The following SGK2 variants were observed in gnomAD, a reference collection of about 807,000 sequenced individuals.
SGK2 encodes serum/glucocorticoid regulated kinase 2, also known as serine/threonine-protein kinase Sgk2.
SGK2 carries 36 observed loss-of-function variants against 47.5 expected under a neutral mutation model. The observed-to-expected ratio is 0.76, with a 90% CI of 0.58 to 1.00. SGK2 has a LOEUF of 1.00. SGK2 is among the 50% of genes least tolerant of loss of function. The pLI, the probability that SGK2 is intolerant of heterozygous loss-of-function variation, is 0.00. For missense variants in SGK2, 404 were observed against 467.4 expected (o/e 0.86, Z 1.25); for synonymous variants, 157 against 181.9 (o/e 0.86, Z 1.10).
At chr20:43,580,883 T>C (rs1980753973) in intron 12 of SGK2, among the ~76,000 whole-genome samples, 2 of 151,810 alleles carry the variant, frequency 1.3e-5, no homozygotes, top group African/African-American at 2.4e-5. Flanking sequence ...TTTTGTTTTG[T>C]TTTTTTTCTT....
At chr20:43,583,330 G>A (rs1434431634) in intron 12 of SGK2, 1 of 1,282,492 alleles carries the variant, frequency 7.8e-7, no homozygotes, top group East Asian at 5.6e-5. Flanking sequence ...AGACACTCCG[G>A]AGCTGGATTC....
At chr20:43,567,245 C>T (rs1979790088) in intron 3 of SGK2, 128 bp downstream of exon 3, 1 of 762,252 alleles carries the variant, frequency 1.3e-6, no homozygotes, top group Non-Finnish European at 2.3e-6. Context: ...GGCCCAGGAC[C>T]TTTCCCCAGC....
At chr20:43,567,750 C>G (rs777620412) in intron 4 of SGK2, 28 bp downstream of exon 4, 1 of 1,612,064 alleles carries the variant, frequency 6.2e-7, no homozygotes, top group Non-Finnish European at 8.5e-7. Flanking sequence ...GGTGGGAAGC[C>G]TGGGTCTTCC....
In SGK2 at chr20:43,570,719, A is replaced by G. The variant is rs886678200; in HGVS notation, c.463A>G (p.Ile155Val). 6.2e-7 allele frequency: 1 copy of G among 1,610,364 alleles called. No homozygotes were observed. The highest frequency in any genetic ancestry group is 1.3e-5 in the African/African-American group (1 of 74,866). ...SAIGYLHSLN[I>V]IYRDLKPENI... ...CATTGGCTACCTGCACTCCCTCAACATCATTTACAGGTGAGGCCTGCCTGT... is the reference window on the plus strand; with the variant it reads ...CATTGGCTACCTGCACTCCCTCAACGTCATTTACAGGTGAGGCCTGCCTGT... The change falls in exon 7 of 13, where the codon ATC (isoleucine) becomes GTC (valine). Residue 155 changes from isoleucine to valine, a missense_variant. Transcript: ENST00000373100.
chr20:43,580,727 C>CAAA (rs764803627), intron 12 of SGK2, among the ~76,000 whole-genome samples: 3 of 68,750 alleles, frequency 4.4e-5, no homozygotes, highest in Admixed American at 1.9e-4. Flanking sequence ...GACTTCATCT[C>CAAA]AAAAAAAAAA....
At chr20:43,575,248 A>G (rs1055609774) in intron 10 of SGK2, among the ~76,000 whole-genome samples, 2 of 152,128 alleles carry the variant, frequency 1.3e-5, no homozygotes, top group African/African-American at 4.8e-5. Flanking sequence ...GGATCACCTG[A>G]GGTCAGGAGT....
intron 5 of SGK2, among the ~76,000 whole-genome samples, chr20:43,568,227 TC>T (rs1979865887): frequency 6.6e-6 from 1 of 152,150 alleles, no homozygotes; most frequent in African/African-American, 2.4e-5. Flanking sequence ...GGCTTTGCCT[TC>T]CCCTGGGAAA....
intron 10 of SGK2, among the ~76,000 whole-genome samples, chr20:43,575,322 G>A (rs182605430): frequency 5.9e-4 from 89 of 151,974 alleles, no homozygotes; most frequent in African/African-American, 1.9e-3. Context: ...AATTAGCTGG[G>A]CGTGGTGGCG....
chr20:43,572,005 C>G lies in SGK2; in HGVS notation c.511-46C>G, dbSNP rs1329813533. The G allele has an allele frequency of 7.0e-7, 1 of 1,421,096 alleles. No individual in the cohort carries two copies. Among genetic ancestry groups the G allele is most frequent in the East Asian group, 2.5e-5 (1 of 39,972 alleles). The allele number at this position is 1,421,096 out of a possible 1,614,324, so 88.0% of individuals were successfully genotyped here. ...CTTTGGGGGTTAGGCCTGGCCATAC[C>G]CTTGGCTCATACCACCCTCCAGCCC... On this transcript the variant is annotated intron_variant, in intron 8 of 12. Transcript: ENST00000373100. The surrounding 1 kb of genome is among the most constrained non-coding windows in gnomAD (Gnocchi z 4.2).
rs1980464828 is a variant in SGK2 at position 43,576,377 on chromosome 20, T to G, written c.847T>G (p.Phe283Val). Residue 283 changes from phenylalanine to valine, a missense_variant and splice_region_variant, in exon 11 of 13, where the codon TTT becomes GTT. Physicochemically the swap from Phe to Val is conservative, Grantham distance 50. Transcript: ENST00000373100. ...GCAGCGGCTGGGCTCCAAAGCAGAC[T>G]TTGTAGGTGACCTACCAGTGGAGCA... ...QRQRLGSKADFLEIKNHVFFS... is the reference protein window; with the variant it reads ...QRQRLGSKADVLEIKNHVFFS... 1 of 1,613,772 alleles carries G rather than the reference T, an allele frequency of 6.2e-7. No individual in the cohort carries two copies. The highest frequency in any genetic ancestry group is 1.3e-5 in the African/African-American group (1 of 74,936).
chr20:43,561,638 C>T (rs900947638), intron 1 of SGK2, among the ~76,000 whole-genome samples: 6 of 152,188 alleles, frequency 3.9e-5, no homozygotes, highest in East Asian at 1.9e-4. Context: ...CCACCCGCCT[C>T]GGCCTCCCAA....
chr20:43,583,347 T>G (rs538242767), intron 12 of SGK2: 64 of 1,279,172 alleles, frequency 5.0e-5, no homozygotes, highest in Middle Eastern at 4.3e-4. Flanking sequence ...ATTCCTGGTT[T>G]TGTCACCTAC....
At chr20:43,583,390 A>T in intron 12 of SGK2, 5 of 1,235,696 alleles carry the variant, frequency 4.0e-6, no homozygotes, top group Non-Finnish European at 4.1e-6. Context: ...TCTCTTTAGT[A>T]TCATTTTCTT....
At chr20:43,582,287 G>A (rs577893757) in intron 12 of SGK2, among the ~76,000 whole-genome samples, 2 of 151,874 alleles carry the variant, frequency 1.3e-5, no homozygotes, top group East Asian at 2.0e-4. Flanking sequence ...TGAACTCCTG[G>A]GCTCAAGTGA....
intron 11 of SGK2, among the ~76,000 whole-genome samples, chr20:43,579,716 C>T (rs768179848): frequency 6.6e-6 from 1 of 152,090 alleles, no homozygotes; most frequent in South Asian, 2.1e-4. Context: ...AGCAAAGGGT[C>T]GGTGCCCAGA....
rs146969986 is a variant in SGK2, at chr20:43,561,590, A to G, written c.-24+2431A>G. ...TTTTTAGTAGAGACGGGGTTTCACC[A>G]TGTTGGCCAGGATGGTTTCGATCTC... On this transcript the variant is annotated intron_variant, in intron 1 of 12. Coordinates refer to ENST00000373100, the MANE Select transcript of SGK2 (RefSeq NM_170693.3). Among the ~76,000 whole-genome samples the G allele has an allele frequency of 8.1e-3, 1,225 of 151,910 alleles. 11 individuals carry two copies. Among genetic ancestry groups the G allele is most frequent in the Middle Eastern group, 0.041 (12 of 294 alleles).
intron 1 of SGK2, among the ~76,000 whole-genome samples, chr20:43,560,631 T>C (rs2145523509): frequency 6.6e-6 from 1 of 152,360 alleles, no homozygotes; most frequent in Middle Eastern, 3.4e-3. Context: ...GTTTTTCTTT[T>C]ACAAAATTGG....
intron 11 of SGK2, among the ~76,000 whole-genome samples, chr20:43,577,553 A>G (rs1208747684): frequency 6.7e-6 from 1 of 149,424 alleles, no homozygotes; most frequent in African/African-American, 2.5e-5. Context: ...GGTTTCACCA[A>G]GTTGGCCAGA....
intron 8 of SGK2, among the ~76,000 whole-genome samples, 169 bp downstream of exon 8, chr20:43,571,229 CACAT>C (rs1980110662): frequency 1.3e-5 from 2 of 152,184 alleles, no homozygotes; most frequent in South Asian, 2.1e-4. Context: ...CACATGTACA[CACAT>C]ACATATGTGC....
Sources: allele counts gnomAD v4.1 joint callset (sites outside exome capture counted in the v4.1 genomes callset), GRCh38; gene constraint gnomAD v4.1.1; non-coding constraint Gnocchi (gnomAD v3.1); transcripts MANE v1.5; gene names NCBI Gene and HGNC (gene_info 2026-07-23, HGNC 2026-07-21).